FAR2: variants seen among roughly 807,000 people sequenced by gnomAD.
The protein encoded by FAR2 is fatty acyl-CoA reductase 2, also known as epididymis secretory protein Li 81.
A neutral mutation model predicts 56.0 loss-of-function variants in FAR2; 19 were observed. The observed-to-expected ratio is 0.34, with a 90% CI of 0.24 to 0.50. The LOEUF (loss-of-function observed/expected upper bound fraction) is 0.50, where lower values mean the gene tolerates loss of function less well. Ranked by LOEUF, FAR2 falls within the 20% of genes least tolerant of loss-of-function variation. The pLI, the probability that FAR2 is intolerant of heterozygous loss-of-function variation, is 0.98. For synonymous variants in FAR2, 219 were observed against 218.8 expected, an observed-to-expected ratio of 1.00 and a Z score of -0.01; for missense variants, 508 against 642.2, an observed-to-expected ratio of 0.79 and a Z score of 2.26.
chr12:29,253,610 C>G (rs1335050686), intron 1 of FAR2, among the ~76,000 whole-genome samples: 1 of 152,080 alleles, frequency 6.6e-6, no homozygotes, highest in African/African-American at 2.4e-5. Flanking sequence ...CTCCTGTTCT[C>G]ATTGGGTTTT....
At chr12:29,230,923 G>C (rs555139645) in intron 1 of FAR2, among the ~76,000 whole-genome samples, 6 of 152,296 alleles carry the variant, frequency 3.9e-5, no homozygotes, top group African/African-American at 1.4e-4. Flanking sequence ...GGTGGGTAGA[G>C]TTTGTCATAT....
intron 1 of FAR2, among the ~76,000 whole-genome samples, chr12:29,201,975 A>G (rs1947421600): frequency 6.6e-6 from 1 of 152,176 alleles, no homozygotes; most frequent in Non-Finnish European, 1.5e-5. Flanking sequence ...ACTCTCAGGA[A>G]ATAAGTGAGT....
intron 1 of FAR2, among the ~76,000 whole-genome samples, chr12:29,208,241 G>A (rs929292759): frequency 1.3e-5 from 2 of 152,176 alleles, no homozygotes; most frequent in African/African-American, 4.8e-5. Context: ...TTCTTCCTCT[G>A]AACTGAAGTT....
chr12:29,224,492 A>G (rs1206821392), intron 1 of FAR2, among the ~76,000 whole-genome samples: 1 of 152,240 alleles, frequency 6.6e-6, no homozygotes, highest in Non-Finnish European at 1.5e-5. Context: ...AGGAAAATCA[A>G]TTAAAACACA....
At chr12:29,300,769 C>T (rs542669802) in intron 4 of FAR2, among the ~76,000 whole-genome samples, 1 of 152,252 alleles carries the variant, frequency 6.6e-6, no homozygotes, top group South Asian at 2.1e-4. Context: ...GATCTTGAAG[C>T]TGTACTCTTG....
chr12:29,309,372 T>G, intron 6 of FAR2, 142 bp downstream of exon 6: 1 of 680,980 alleles, frequency 1.5e-6, no homozygotes, highest in South Asian at 1.8e-5. Flanking sequence ...TTAATTGTTC[T>G]GATTGTAATA....
intron 1 of FAR2, among the ~76,000 whole-genome samples, chr12:29,188,529 G>A (rs989760946): frequency 2.0e-5 from 3 of 152,090 alleles, no homozygotes; most frequent in Non-Finnish European, 4.4e-5. Context: ...AGTACAGAGG[G>A]TTTCTGCACA....
intron 1 of FAR2, among the ~76,000 whole-genome samples, chr12:29,192,849 G>A (rs1950113891): frequency 6.6e-6 from 1 of 151,870 alleles, no homozygotes; most frequent in Non-Finnish European, 1.5e-5. Context: ...AAATAAAAAT[G>A]AAAGGGAAAT....
intron 2 of FAR2, among the ~76,000 whole-genome samples, chr12:29,285,729 G>A (rs1051488386): frequency 2.0e-5 from 3 of 152,012 alleles, no homozygotes; most frequent in Non-Finnish European, 2.9e-5. Flanking sequence ...GACCATTCTG[G>A]CCAACATAAT....
chr12:29,288,987 T>G (rs1948916737), intron 2 of FAR2, among the ~76,000 whole-genome samples: 2 of 151,994 alleles, frequency 1.3e-5, no homozygotes, highest in South Asian at 4.2e-4. Context: ...ACCAGAGAAG[T>G]GAAAGATCTC....
chr12:29,207,683 G>T (rs1045136083), intron 1 of FAR2, among the ~76,000 whole-genome samples: 2 of 152,144 alleles, frequency 1.3e-5, no homozygotes, highest in Non-Finnish European at 2.9e-5. Context: ...AAACAGACTG[G>T]ATGGATGGAT....
chr12:29,313,491 T>G (rs992997352), intron 8 of FAR2, among the ~76,000 whole-genome samples: 1 of 152,158 alleles, frequency 6.6e-6, no homozygotes, highest in Non-Finnish European at 1.5e-5. Flanking sequence ...TGAAAGTGTT[T>G]GTGTAATATT....
intron 10 of FAR2, among the ~76,000 whole-genome samples, chr12:29,330,144 C>T (rs1316693802): frequency 2.0e-5 from 3 of 151,314 alleles, no homozygotes; most frequent in East Asian, 1.9e-4. Flanking sequence ...GCAACCTCCG[C>T]CTCCCGGGTT....
At chr12:29,189,716 A>T (rs1264439937) in intron 1 of FAR2, among the ~76,000 whole-genome samples, 1 of 152,256 alleles carries the variant, frequency 6.6e-6, no homozygotes, top group Non-Finnish European at 1.5e-5. Context: ...GTACTAATAC[A>T]CTGCCACAGG....
At position 29,317,026 on chromosome 12, in the gene FAR2, T is replaced by C; in HGVS notation, c.1127+14T>C. 1.2e-6 allele frequency: 2 copies of C among 1,608,562 alleles called. No homozygotes were observed. Among genetic ancestry groups the C allele is most frequent in the South Asian group, 2.2e-5 (2 of 90,804 alleles). ...AAGGAAGCCCAGGTGAGAAGCTGAG[T>C]CAATGGCTTTGAGAGTGTCACTGCA... On this transcript the variant is annotated intron_variant, in intron 9 of 11. Transcript: ENST00000536681.
intron 1 of FAR2, among the ~76,000 whole-genome samples, chr12:29,174,581 C>T (rs773996860): frequency 1.4e-4 from 21 of 150,614 alleles, no homozygotes; most frequent in African/African-American, 4.2e-4. Context: ...CCACCACGCC[C>T]GGCTAATTTT....
intron 1 of FAR2, among the ~76,000 whole-genome samples, chr12:29,241,685 G>A (rs10843355): frequency 0.018 from 2,789 of 152,162 alleles, 89 homozygotes; most frequent in African/African-American, 0.058. Context: ...TCCTTTCCCA[G>A]ATCAATATTT....
intron 1 of FAR2, among the ~76,000 whole-genome samples, chr12:29,164,076 G>A (rs567457932): frequency 4.7e-4 from 72 of 152,294 alleles, no homozygotes; most frequent in Non-Finnish European, 8.2e-4. Context: ...AAATGAGTTC[G>A]TGTGTGTTAC....
intron 8 of FAR2, among the ~76,000 whole-genome samples, chr12:29,312,560 G>A (rs1949371142): frequency 6.6e-6 from 1 of 152,108 alleles, no homozygotes; most frequent in Admixed American, 6.6e-5. Flanking sequence ...GAAACTATAT[G>A]TTTAATAAGC....
Sources: allele counts gnomAD v4.1 joint callset (sites outside exome capture counted in the v4.1 genomes callset), GRCh38; gene constraint gnomAD v4.1.1; transcripts MANE v1.5; gene names NCBI Gene and HGNC (gene_info 2026-07-23, HGNC 2026-07-21).